Variants in MAN2B1 observed in about 807,000 individuals in gnomAD.
MAN2B1 encodes lysosomal alpha-mannosidase.
Under a neutral mutation model 127.5 loss-of-function variants are expected in MAN2B1, and 99 were observed. The observed-to-expected ratio is 0.78, with a 90% CI of 0.66 to 0.92. The LOEUF is 0.92. Ranked by LOEUF, MAN2B1 falls within the 40% of genes least tolerant of loss-of-function variation. The pLI, the probability that MAN2B1 is intolerant of heterozygous loss-of-function variation, is 0.00. For missense variants in MAN2B1, 1,304 were observed against 1,384.8 expected, an observed-to-expected ratio of 0.94 and a Z score of 0.93; for synonymous variants, 573 against 568.8, an observed-to-expected ratio of 1.01 and a Z score of -0.11.
chr19:12,648,328 C>T lies in MAN2B1; in HGVS notation c.2511G>A (p.Trp837Ter). The part of the protein sequence containing the change: ...EPLMENGSGA[W>*]VRGRHLVLLD... Reference sequence around the variant, plus strand: ...GCAGCACCAGGTGGCGCCCTCGCACCCACGCCCCCGACCCGTTCTCCATTA... The same window carrying T: ...GCAGCACCAGGTGGCGCCCTCGCACTCACGCCCCCGACCCGTTCTCCATTA... Residue 837 changes from tryptophan (W) to a stop codon, truncating the protein, a stop_gained, in exon 21 of 24, where the codon TGG becomes TGA. Coordinates refer to ENST00000456935, the MANE Select transcript of MAN2B1 (RefSeq NM_000528.4). LOFTEE classifies it high-confidence loss of function. 1 of 1,613,772 alleles carries T rather than the reference C, an allele frequency of 6.2e-7. No homozygotes were observed. Among genetic ancestry groups the T allele is most frequent in the Non-Finnish European group, 8.5e-7 (1 of 1,179,950 alleles).
intron 6 of MAN2B1, 60 bp from the exon 7 acceptor site, chr19:12,661,436 G>A (rs1001135098): frequency 9.0e-7 from 1 of 1,112,728 alleles, no homozygotes; most frequent in Non-Finnish European, 1.4e-6. Flanking sequence ...GTGTATAGCT[G>A]TGTTTTGATG....
chr19:12,656,311 C>T (rs2023954846), intron 13 of MAN2B1: 2 of 494,312 alleles, frequency 4.0e-6, no homozygotes, highest in Non-Finnish European at 3.6e-6. Flanking sequence ...GAGCCAAGAT[C>T]GCGCCACTGC....
At position 12,651,853 on chromosome 19, in the gene MAN2B1, T is replaced by C. The variant is rs149154844; in HGVS notation, c.2046+300A>G. Among the ~76,000 whole-genome samples, 34 of 152,346 alleles carry C rather than the reference T, an allele frequency of 2.2e-4. No homozygotes were observed. In the East Asian group the frequency reaches 3.3e-3, roughly 15 times the overall value. On this transcript the variant is annotated intron_variant, in intron 16 of 23. Coordinates refer to ENST00000456935, the MANE Select transcript of MAN2B1 (RefSeq NM_000528.4). ...AGTGATATTTGGCTCTCCTGATTCA[T>C]GGGCCAAGTGGGAATGCCCCACCCC...
rs556213411 is a variant in MAN2B1, at chr19:12,657,335, G to A, written c.1419+111C>T. ...CGCCCCCACGAGCCCTTGTAGCCCCGCCACAGGGCTCTCGGCTACGCCTCA... is the reference window on the plus strand; with the variant it reads ...CGCCCCCACGAGCCCTTGTAGCCCCACCACAGGGCTCTCGGCTACGCCTCA... On this transcript the variant is annotated intron_variant, in intron 11 of 23. Transcript: ENST00000456935. 6.1e-5 allele frequency: 38 copies of A among 625,370 alleles called. No homozygotes were observed. The African/African-American group carries it at 6.4e-4, about 11-fold the overall frequency. The allele number at this position is 625,370 out of a possible 1,614,324, so 38.7% of individuals were successfully genotyped here.
intron 16 of MAN2B1, among the ~76,000 whole-genome samples, chr19:12,651,157 G>A (rs763573291): frequency 1.6e-4 from 25 of 152,030 alleles, no homozygotes; most frequent in Non-Finnish European, 2.8e-4. Context: ...TGGCATAAAC[G>A]CCTCCTGTTC....
intron 10 of MAN2B1, 95 bp downstream of exon 10, chr19:12,657,968 A>G (rs1376892001): frequency 3.1e-6 from 3 of 975,638 alleles, no homozygotes; most frequent in East Asian, 2.7e-5. Flanking sequence ...AAAAAAAAAA[A>G]AAAAAAAAAA....
intron 1 of MAN2B1, among the ~76,000 whole-genome samples, chr19:12,666,329 C>G (rs2024237781): frequency 6.6e-6 from 1 of 152,132 alleles, no homozygotes; most frequent in Admixed American, 6.6e-5. Context: ...AGGCAAGCAT[C>G]CCGGAGACAC....
rs769653951 is a variant in MAN2B1 at position 12,658,190 on chromosome 19, G to A, written c.1230+34C>T. 15 of 1,613,800 alleles carry A rather than the reference G, an allele frequency of 9.3e-6. No individual in the cohort carries two copies. The Admixed American group carries it at 1.7e-4, about 18-fold the overall frequency. On this transcript the variant is annotated intron_variant, in intron 9 of 23. Transcript: ENST00000456935. The stretch of plus-strand genomic sequence containing the variant: ...GGCGCCCAGCCTGTCGGGCCTCGGG[G>A]CTGCATGCCCCCTCTAGCCCGGCTC...
At chr19:12,649,856 C>T in intron 18 of MAN2B1, 57 bp downstream of exon 18, 2 of 1,380,660 alleles carry the variant, frequency 1.4e-6, no homozygotes, top group Non-Finnish European at 2.1e-6. Context: ...TCCCTCACCA[C>T]CCCTGGGCCC....
intron 7 of MAN2B1, 173 bp downstream of exon 7, chr19:12,661,087 A>C: frequency 1.6e-6 from 1 of 613,404 alleles, no homozygotes; most frequent in Non-Finnish European, 3.0e-6. Context: ...ACAGAACTGT[A>C]AGACAATGTA....
At chr19:12,658,879 C>T (rs907249540) in intron 7 of MAN2B1, 7 of 341,242 alleles carry the variant, frequency 2.1e-5, no homozygotes, top group African/African-American at 8.6e-5. Flanking sequence ...TTTTTTGGGA[C>T]GGAGTCTTAC....
At chr19:12,659,341 G>A (rs1053664394) in intron 7 of MAN2B1, among the ~76,000 whole-genome samples, 8 of 134,220 alleles carry the variant, frequency 6.0e-5, no homozygotes, top group Non-Finnish European at 3.1e-5. Context: ...TGACTCTGTC[G>A]CCCAAGCTGG....
chr19:12,656,544 G>C, intron 13 of MAN2B1, 27 bp downstream of exon 13: 1 of 1,533,986 alleles, frequency 6.5e-7, no homozygotes, highest in Non-Finnish European at 9.0e-7. Context: ...GAGTCCCAGC[G>C]GGGGAATATT....
Position 12,666,625 on chromosome 19 carries a change from C to T in MAN2B1, c.77G>A (p.Arg26His), listed in dbSNP as rs1415257251. ...AGGCGGGAGCGGTGGCCGCAGGGCG[C>T]GGGACATGGTCCAGGGGCCTGCTGA... ...LDSAGPWTMSRALRPPLPPLC... is the reference protein window; with the variant it reads ...LDSAGPWTMSHALRPPLPPLC... The change falls in exon 1 of 24, where the codon CGC becomes CAC. Residue 26 changes from arginine (R) to histidine (H), a missense_variant. Physicochemically the swap from Arg to His is conservative, Grantham distance 29. Coordinates refer to ENST00000456935, the MANE Select transcript of MAN2B1 (RefSeq NM_000528.4). 3.2e-6 allele frequency: 5 copies of T among 1,556,388 alleles called. No homozygotes were observed. The African/African-American group carries it at 4.1e-5, about 13-fold the overall frequency.
In MAN2B1 at chr19:12,658,481, G is replaced by A. The variant is rs375898929; in HGVS notation, c.1056C>T (p.Leu352=). 2.2e-5 allele frequency: 35 copies of A among 1,614,078 alleles called. No individual in the cohort carries two copies. The highest frequency in any genetic ancestry group is 3.0e-5 in the Non-Finnish European group (35 of 1,180,054). ...AGAGGTAACAAGCGGGGGTGGAGTA[G>A]AGAACATGGACACTGCTTCCTTTTG... ...QQAKGSSVHV[L]YSTPACYLWE... is the part of the protein sequence containing the mutation. Residue 352 remains leucine, a synonymous_variant, in exon 8 of 24, where the codon CTC becomes CTT. Transcript: ENST00000456935.
intron 7 of MAN2B1, chr19:12,658,813 G>A (rs1370202816): frequency 2.4e-6 from 1 of 423,202 alleles, no homozygotes; most frequent in Non-Finnish European, 4.4e-6. Context: ...ACATTATAGG[G>A]CAGGAATAAT....
chr19:12,658,042 C>T (rs1192025996), intron 10 of MAN2B1, 21 bp downstream of exon 10: 2 of 1,611,806 alleles, frequency 1.2e-6, no homozygotes, highest in African/African-American at 1.3e-5. Context: ...AACCTCTTCC[C>T]CTCTTGGGCC....
In MAN2B1 at chr19:12,655,777, C is replaced by T. The variant is rs1452897678; in HGVS notation, c.1747G>A (p.Val583Met). 13 of 1,609,418 alleles carry T rather than the reference C, an allele frequency of 8.1e-6. No individual in the cohort carries two copies. The highest frequency in any genetic ancestry group is 1.0e-5 in the Non-Finnish European group (12 of 1,176,406). ...LGFSTYSVAQ[V>M]PRWKPQARAP... ...CGGGCCTGGGGCTTCCAGCGAGGCA[C>T]CTGGGCTACTGAATAGGTGCTGAAG... is the stretch of plus-strand genomic sequence containing the variant. The change falls in exon 14 of 24, where the codon GTG (valine) becomes ATG (methionine). Residue 583 changes from valine (V) to methionine (M), a missense_variant. By Grantham distance (21) the Val-to-Met change is conservative. Transcript: ENST00000456935.
chr19:12,646,842 T>C, intron 23 of MAN2B1, 110 bp from the exon 24 acceptor site: 2 of 777,198 alleles, frequency 2.6e-6, no homozygotes, highest in East Asian at 2.6e-5. Flanking sequence ...CCCGAATCTG[T>C]CTCCAGGGCC....
Sources: gnomAD v4.1 joint callset for allele counts (sites outside exome capture counted in the v4.1 genomes callset) on GRCh38, gnomAD v4.1.1 for gene constraint, MANE v1.5 for transcripts, NCBI Gene and HGNC (gene_info 2026-07-23, HGNC 2026-07-21) for gene names.